Variants in WDR17 observed in about 807,000 individuals in gnomAD.
WDR17 encodes WD repeat-containing protein 17.
Under a neutral mutation model 161.7 loss-of-function variants are expected in WDR17, and 143 were observed. The observed-to-expected ratio is 0.88, with a 90% CI of 0.77 to 1.02. The LOEUF is 1.02. WDR17 is among the 50% of genes least tolerant of loss of function. The pLI, the probability that WDR17 is intolerant of heterozygous loss-of-function variation, is 0.00. For synonymous variants in WDR17, 517 were observed against 515.6 expected, an observed-to-expected ratio of 1.00 and a Z score of -0.04; for missense variants, 1,469 against 1,520.9, an observed-to-expected ratio of 0.97 and a Z score of 0.57.
intron 25 of WDR17, 127 bp downstream of exon 25, chr4:176,173,496 T>C (rs1751036986): frequency 1.8e-6 from 1 of 568,960 alleles, no homozygotes; most frequent in East Asian, 3.2e-5. Flanking sequence ...TGTAGAAATA[T>C]TATATTTTTG....
intron 7 of WDR17, among the ~76,000 whole-genome samples, chr4:176,134,343 C>G (rs866065194): frequency 6.6e-5 from 10 of 151,736 alleles, no homozygotes; most frequent in African/African-American, 1.9e-4. Context: ...GTAGAAATTT[C>G]GATTCCCATT....
chr4:176,072,890 C>A lies in WDR17; in HGVS notation c.-7+6811C>A, dbSNP rs529879287. Among the ~76,000 whole-genome samples, 20 of 152,134 alleles carry A rather than the reference C, an allele frequency of 1.3e-4. 1 individual carries two copies. Among genetic ancestry groups the A allele is most frequent in the African/African-American group, 4.8e-4 (20 of 41,518 alleles). Reference sequence around the variant, plus strand: ...TGAATCTCTGCATCCTGGTATAAAACGCTGACCTTTTAATAGACATTTTTA... The same window carrying A: ...TGAATCTCTGCATCCTGGTATAAAAAGCTGACCTTTTAATAGACATTTTTA... On this transcript the variant is annotated intron_variant, in intron 1 of 28. Transcript: ENST00000508596.
intron 17 of WDR17, 71 bp from the exon 18 acceptor site, chr4:176,156,008 T>C (rs1310712987): frequency 7.4e-7 from 1 of 1,356,744 alleles, no homozygotes; most frequent in Non-Finnish European, 1.0e-6. Context: ...AATCTATTTT[T>C]TAAGTGTCTT....
At position 176,168,927 on chromosome 4, in the gene WDR17, C is replaced by T. The variant is rs1458328604; in HGVS notation, c.3102+144C>T. On this transcript the variant is annotated intron_variant, in intron 23 of 28. Coordinates refer to ENST00000508596, the MANE Select transcript of WDR17 (RefSeq NM_181265.4). ...CTACAAGTACAACAAAAGTGTTGTA[C>T]AATAGGAAGTAACATTTACTGAACT... 3 of 827,636 alleles carry T rather than the reference C, an allele frequency of 3.6e-6. No homozygotes were observed. The African/African-American group carries it at 5.2e-5, about 14-fold the overall frequency. 51.3% of individuals were successfully genotyped at this position (827,636 alleles called of 1,614,324 possible). A position where few individuals can be genotyped will look rare whatever the true frequency, so the allele number is the denominator to read the frequency against.
At chr4:176,095,272 A>G (rs1315823038) in intron 1 of WDR17, among the ~76,000 whole-genome samples, 1 of 152,178 alleles carries the variant, frequency 6.6e-6, no homozygotes, top group Admixed American at 6.5e-5. Context: ...TGTGGAAACT[A>G]GAAGAGCAGG....
intron 1 of WDR17, among the ~76,000 whole-genome samples, chr4:176,074,516 G>A (rs986028952): frequency 2.0e-5 from 3 of 151,812 alleles, no homozygotes; most frequent in Admixed American, 1.3e-4. Flanking sequence ...AAGTGCAGTG[G>A]CATGATCATA....
intron 1 of WDR17, among the ~76,000 whole-genome samples, chr4:176,100,226 A>G (rs1257386657): frequency 6.6e-6 from 1 of 152,066 alleles, no homozygotes; most frequent in East Asian, 1.9e-4. Context: ...TCTTTTCCCC[A>G]TATCCTCACC....
At chr4:176,107,960 T>C (rs1739052488) in intron 1 of WDR17, among the ~76,000 whole-genome samples, 1 of 131,472 alleles carries the variant, frequency 7.6e-6, no homozygotes, top group East Asian at 2.1e-4. Flanking sequence ...TTTTCCCTTT[T>C]GTCCCTTCCT....
In WDR17 at chr4:176,168,732, C is replaced by A; in HGVS notation, c.3051C>A (p.Leu1017=). The A allele has an allele frequency of 6.2e-7, 1 of 1,613,366 alleles. No individual in the cohort carries two copies. The highest frequency in any genetic ancestry group is 8.5e-7 in the Non-Finnish European group (1 of 1,179,682). Residue 1017 remains leucine, a synonymous_variant, in exon 23 of 29, where the codon CTC becomes CTA. Coordinates refer to ENST00000508596, the MANE Select transcript of WDR17 (RefSeq NM_181265.4). ...ATAATGAACTACATTTAATAAAACT[C>A]TGTGCTTTCTACCCAGGATGTACTG... ...IPDNELHLIK[L]CAFYPGCTEE... is the part of the protein sequence containing the mutation.
intron 28 of WDR17, among the ~76,000 whole-genome samples, chr4:176,178,269 A>G (rs1210743086): frequency 3.3e-5 from 5 of 152,178 alleles, no homozygotes; most frequent in Non-Finnish European, 5.9e-5. Context: ...TCCAAAAGAC[A>G]GGACATATAG....
intron 1 of WDR17, among the ~76,000 whole-genome samples, chr4:176,077,658 C>T (rs1382608901): frequency 6.6e-6 from 1 of 151,934 alleles, no homozygotes; most frequent in Non-Finnish European, 1.5e-5. Flanking sequence ...ACTCATTTTA[C>T]TAGCTCATGT....
intron 4 of WDR17, among the ~76,000 whole-genome samples, chr4:176,124,641 C>T (rs907886804): frequency 3.9e-5 from 6 of 152,116 alleles, no homozygotes; most frequent in African/African-American, 1.4e-4. Flanking sequence ...GATTAAGTAT[C>T]TTGTCTGAGG....
intron 11 of WDR17, among the ~76,000 whole-genome samples, chr4:176,145,045 G>A (rs935489076): frequency 6.6e-6 from 1 of 152,136 alleles, no homozygotes; most frequent in Non-Finnish European, 1.5e-5. Flanking sequence ...CTACATGTGG[G>A]CTTAAATAAA....
intron 2 of WDR17, 111 bp from the exon 3 acceptor site, chr4:176,115,685 A>G: frequency 4.1e-6 from 3 of 727,914 alleles, no homozygotes; most frequent in Non-Finnish European, 6.1e-6. Flanking sequence ...CTTTATTATT[A>G]GGTGAAATAA....
At chr4:176,168,845 G>A in intron 23 of WDR17, 62 bp downstream of exon 23, 3 of 1,551,060 alleles carry the variant, frequency 1.9e-6, no homozygotes, top group Non-Finnish European at 2.6e-6. Context: ...ATTAATTGTA[G>A]GTTCAAGCAA....
intron 1 of WDR17, among the ~76,000 whole-genome samples, chr4:176,071,864 T>C (rs1483141488): frequency 6.6e-6 from 1 of 152,324 alleles, no homozygotes; most frequent in East Asian, 1.9e-4. Context: ...AAATAGATAA[T>C]AAAGGTAACT....
intron 1 of WDR17, among the ~76,000 whole-genome samples, chr4:176,066,665 CT>C (rs1225617046): frequency 2.0e-5 from 3 of 152,086 alleles, no homozygotes; most frequent in Non-Finnish European, 4.4e-5. Context: ...TTTAAGGAGA[CT>C]TTTTAAATAT....
chr4:176,170,575 A>G (rs1459254971), intron 23 of WDR17, among the ~76,000 whole-genome samples: 1 of 152,152 alleles, frequency 6.6e-6, no homozygotes, highest in African/African-American at 2.4e-5. Flanking sequence ...TCAGCCTCCC[A>G]AAGTGTTGGC....
rs1281653724 is a variant in WDR17 at position 176,139,958 on chromosome 4, A to C, written c.1426A>C (p.Ser476Arg). ...HKDSKRIATC[S>R]SDGFCIIRTI... ...AGATTCTAAAAGAATAGCAACCTGC[A>C]GCAGTGATGGTTTCTGGTAAGTACT... Residue 476 changes from serine to arginine, a missense_variant, in exon 10 of 29, where the codon AGC becomes CGC. Coordinates refer to ENST00000508596, the MANE Select transcript of WDR17 (RefSeq NM_181265.4). 6.2e-7 allele frequency: 1 copy of C among 1,611,620 alleles called. No individual in the cohort carries two copies. The highest frequency in any genetic ancestry group is 8.5e-7 in the Non-Finnish European group (1 of 1,178,490).
Sources: allele counts gnomAD v4.1 joint callset (sites outside exome capture counted in the v4.1 genomes callset), GRCh38; gene constraint gnomAD v4.1.1; transcripts MANE v1.5; gene names NCBI Gene and HGNC (gene_info 2026-07-23, HGNC 2026-07-21).